The following LRRC4C variants were observed in gnomAD, a reference collection of about 807,000 sequenced individuals.
LRRC4C encodes the protein leucine-rich repeat-containing protein 4C.
LRRC4C carries 5 observed loss-of-function variants against 33.6 expected under a neutral mutation model. The ratio of observed to expected loss-of-function variants is 0.15; its 90% CI spans 0.08 to 0.31. The LOEUF (loss-of-function observed/expected upper bound fraction) is 0.31, where lower values mean the gene tolerates loss of function less well. Ranked by LOEUF, LRRC4C falls within the 10% of genes least tolerant of loss-of-function variation. The pLI, the probability that LRRC4C is intolerant of heterozygous loss-of-function variation, is 1.00. For synonymous variants in LRRC4C, 329 were observed against 302.0 expected (o/e 1.09, Z -0.93); for missense variants, 560 against 796.7 (o/e 0.70, Z 3.58).
chr11:40,753,040 G>C (rs908765458), intron 2 of LRRC4C, among the ~76,000 whole-genome samples: 1 of 152,024 alleles, frequency 6.6e-6, no homozygotes, highest in Non-Finnish European at 1.5e-5. Context: ...AGTACCAGAA[G>C]TTCTCATTCT....
chr11:40,761,624 C>A (rs1453045777), intron 2 of LRRC4C, among the ~76,000 whole-genome samples: 7 of 152,110 alleles, frequency 4.6e-5, no homozygotes, highest in Admixed American at 4.6e-4. Flanking sequence ...TTATACTGAG[C>A]AAGCAGCAAA....
intron 1 of LRRC4C, among the ~76,000 whole-genome samples, chr11:40,945,256 G>A (rs376616350): frequency 1.3e-5 from 2 of 151,082 alleles, no homozygotes; most frequent in Admixed American, 1.3e-4. Flanking sequence ...TCCTGACCTC[G>A]TGATCCACCC....
intron 3 of LRRC4C, among the ~76,000 whole-genome samples, chr11:40,529,243 C>T (rs1339358758): frequency 1.3e-5 from 2 of 151,994 alleles, no homozygotes; most frequent in African/African-American, 4.8e-5. Context: ...ACTGTGATGA[C>T]TGTTACAGGT....
chr11:40,373,838 C>G (rs1352480759), intron 3 of LRRC4C, among the ~76,000 whole-genome samples: 2 of 152,108 alleles, frequency 1.3e-5, no homozygotes, highest in Admixed American at 6.6e-5. Flanking sequence ...AGTTAAAGCT[C>G]CCCCAGTCCT....
At chr11:40,626,120 C>A (rs1039651315) in intron 3 of LRRC4C, among the ~76,000 whole-genome samples, 3 of 152,156 alleles carry the variant, frequency 2.0e-5, no homozygotes, top group Admixed American at 6.5e-5. Flanking sequence ...CTGAACTCAT[C>A]TTCTGATGCA....
chr11:40,570,739 G>A (rs1458502050), intron 3 of LRRC4C, among the ~76,000 whole-genome samples: 2 of 151,828 alleles, frequency 1.3e-5, no homozygotes, highest in Non-Finnish European at 2.9e-5. Context: ...TATGACACCT[G>A]TTCTAAAGAC....
intron 2 of LRRC4C, among the ~76,000 whole-genome samples, chr11:40,779,520 A>C (rs188842961): frequency 6.6e-6 from 1 of 152,340 alleles, no homozygotes; most frequent in Admixed American, 6.5e-5. Flanking sequence ...TATATTACCC[A>C]GTCCTCAAGA....
At chr11:41,134,638 C>T (rs1158985809) in intron 1 of LRRC4C, among the ~76,000 whole-genome samples, 1 of 152,082 alleles carries the variant, frequency 6.6e-6, no homozygotes, top group African/African-American at 2.4e-5. Context: ...GTTGGCAGAG[C>T]TATGCTCCTA....
At chr11:40,415,273 G>A (rs1950285561) in intron 3 of LRRC4C, among the ~76,000 whole-genome samples, 1 of 152,184 alleles carries the variant, frequency 6.6e-6, no homozygotes, top group South Asian at 2.1e-4. Context: ...TCACATACAA[G>A]CTCATGCTCA....
chr11:40,287,425 T>C (rs1943920550), intron 4 of LRRC4C, among the ~76,000 whole-genome samples: 1 of 152,080 alleles, frequency 6.6e-6, no homozygotes, highest in Non-Finnish European at 1.5e-5. Context: ...TTGAGTTATT[T>C]AGAGGAGGTG....
chr11:40,639,638 T>C (rs1941989618), intron 3 of LRRC4C, among the ~76,000 whole-genome samples: 1 of 152,266 alleles, frequency 6.6e-6, no homozygotes, highest in Admixed American at 6.5e-5. Context: ...AATAGAAGTT[T>C]GTCTCAAATT....
At chr11:40,919,131 A>T (rs566363023) in intron 2 of LRRC4C, among the ~76,000 whole-genome samples, 1 of 152,272 alleles carries the variant, frequency 6.6e-6, no homozygotes, top group East Asian at 1.9e-4. Flanking sequence ...ACACACATGG[A>T]AAAGCATGGC....
At chr11:40,285,513 T>C (rs1465420128) in intron 4 of LRRC4C, among the ~76,000 whole-genome samples, 2 of 152,192 alleles carry the variant, frequency 1.3e-5, no homozygotes, top group Non-Finnish European at 2.9e-5. Flanking sequence ...ATATTTCTCA[T>C]ATAATTATAA....
chr11:41,270,037 G>A (rs1054209974), intron 1 of LRRC4C, among the ~76,000 whole-genome samples: 1 of 152,050 alleles, frequency 6.6e-6, no homozygotes, highest in Non-Finnish European at 1.5e-5. Context: ...CTGAGCCTCA[G>A]CTGTTTCTTC....
chr11:40,255,828 G>T (rs1867161950), intron 4 of LRRC4C, among the ~76,000 whole-genome samples: 1 of 152,130 alleles, frequency 6.6e-6, no homozygotes, highest in East Asian at 1.9e-4. Context: ...CCATTTGTTT[G>T]CCAACTTCAC....
intron 2 of LRRC4C, among the ~76,000 whole-genome samples, chr11:40,846,099 T>C (rs1409664572): frequency 6.6e-6 from 1 of 152,002 alleles, no homozygotes; most frequent in African/African-American, 2.4e-5. Flanking sequence ...GATGGACAGA[T>C]TGCAAAAATT....
chr11:40,802,508 C>CA (rs11385732), intron 2 of LRRC4C, among the ~76,000 whole-genome samples: 90,896 of 144,740 alleles, frequency 0.63, 29,838 homozygotes, highest in East Asian at 0.8. Context: ...TTAGAATAAG[C>CA]AAAAAAAAAA....
intron 1 of LRRC4C, among the ~76,000 whole-genome samples, chr11:41,439,090 T>C (rs1419363926): frequency 6.6e-6 from 1 of 152,144 alleles, no homozygotes; most frequent in African/African-American, 2.4e-5. Context: ...CAATGTCTAT[T>C]ATGCCACTCT....
chr11:40,437,646 G>A (rs551998725), intron 3 of LRRC4C, among the ~76,000 whole-genome samples: 1 of 151,832 alleles, frequency 6.6e-6, no homozygotes, highest in East Asian at 1.9e-4. Flanking sequence ...CACACGCCTC[G>A]ACCTCCCAAA....
Sources: gnomAD v4.1 joint callset for allele counts (sites outside exome capture counted in the v4.1 genomes callset) on GRCh38, gnomAD v4.1.1 for gene constraint, MANE v1.5 for transcripts, NCBI Gene and HGNC (gene_info 2026-07-23, HGNC 2026-07-21) for gene names.